The following NSMCE2 variants were observed in gnomAD, a reference collection of about 807,000 sequenced individuals.
The protein encoded by NSMCE2 is E3 SUMO-protein ligase NSE2.
Under a neutral mutation model 23.8 loss-of-function variants are expected in NSMCE2, and 24 were observed. The observed-to-expected ratio is 1.01, with a 90% CI of 0.73 to 1.42. The LOEUF is 1.42. Ranked by LOEUF, NSMCE2 falls within the 40% of genes most tolerant of loss-of-function variation. The pLI, the probability that NSMCE2 is intolerant of heterozygous loss-of-function variation, is 0.00. For synonymous variants in NSMCE2, 92 were observed against 94.1 expected, an observed-to-expected ratio of 0.98 and a Z score of 0.13; for missense variants, 284 against 296.5, an observed-to-expected ratio of 0.96 and a Z score of 0.31.
intron 5 of NSMCE2, among the ~76,000 whole-genome samples, chr8:125,212,520 G>A (rs963643165): frequency 6.6e-6 from 1 of 152,150 alleles, no homozygotes; most frequent in Non-Finnish European, 1.5e-5. Flanking sequence ...GGGCAAGGAA[G>A]TTGTGAGCCA....
intron 3 of NSMCE2, among the ~76,000 whole-genome samples, chr8:125,148,608 T>A (rs1023044815): frequency 3.3e-5 from 5 of 152,162 alleles, no homozygotes; most frequent in Non-Finnish European, 2.9e-5. Context: ...TCAGCAGAAT[T>A]TTGGAAAAGC....
chr8:125,110,688 T>C (rs1053428107), intron 3 of NSMCE2, among the ~76,000 whole-genome samples: 3 of 152,116 alleles, frequency 2.0e-5, no homozygotes, highest in African/African-American at 7.2e-5. Flanking sequence ...AAAAAATGTA[T>C]TGTGCCAGCG....
At chr8:125,334,665 A>G (rs1830005285) in intron 5 of NSMCE2, among the ~76,000 whole-genome samples, 1 of 151,856 alleles carries the variant, frequency 6.6e-6, no homozygotes, top group Non-Finnish European at 1.5e-5. Flanking sequence ...GTTAGTTTCA[A>G]GGATGTCTTG....
At chr8:125,119,034 G>T (rs1819148915) in intron 3 of NSMCE2, among the ~76,000 whole-genome samples, 1 of 152,128 alleles carries the variant, frequency 6.6e-6, no homozygotes, top group Admixed American at 6.5e-5. Context: ...TGTATTTGGG[G>T]CAGTTTTAGA....
At chr8:125,355,969 G>C (rs977377435) in intron 5 of NSMCE2, among the ~76,000 whole-genome samples, 1 of 152,134 alleles carries the variant, frequency 6.6e-6, no homozygotes, top group African/African-American at 2.4e-5. Context: ...GCAGGCCAGG[G>C]ATCTCTAGGG....
At position 125,093,691 on chromosome 8, in the gene NSMCE2, C is replaced by G. The variant is rs564460373; in HGVS notation, c.-111+1733C>G. ...TGAGCCGAGATCATGCCACTGCACT[C>G]CAGTTTGGGCGACAGAGCGAAACTC... On this transcript the variant is annotated intron_variant, in intron 1 of 7. Coordinates refer to ENST00000287437, the MANE Select transcript of NSMCE2 (RefSeq NM_173685.4). 3.9e-5 allele frequency among the ~76,000 whole-genome samples: 6 copies of G among 152,136 alleles called. No individual in the cohort carries two copies. The South Asian group carries it at 1.2e-3, about 32-fold the overall frequency.
At chr8:125,246,159 C>T (rs1332103633) in intron 5 of NSMCE2, among the ~76,000 whole-genome samples, 2 of 151,958 alleles carry the variant, frequency 1.3e-5, no homozygotes, top group Non-Finnish European at 2.9e-5. Context: ...ATTCAATCTG[C>T]AAAATGAATC....
At chr8:125,255,244 C>T (rs1026842849) in intron 5 of NSMCE2, among the ~76,000 whole-genome samples, 1 of 152,086 alleles carries the variant, frequency 6.6e-6, no homozygotes, top group Non-Finnish European at 1.5e-5. Context: ...AGTCATCCAT[C>T]CCCACTGTGC....
At chr8:125,211,420 A>G (rs1824337883) in intron 5 of NSMCE2, among the ~76,000 whole-genome samples, 1 of 152,216 alleles carries the variant, frequency 6.6e-6, no homozygotes, top group African/African-American at 2.4e-5. Context: ...AATATTCCAT[A>G]TCAGTACATA....
chr8:125,249,602 G>T (rs1032931640), intron 5 of NSMCE2, among the ~76,000 whole-genome samples: 1 of 152,126 alleles, frequency 6.6e-6, no homozygotes, highest in Admixed American at 6.5e-5. Flanking sequence ...TTTTAGAGCT[G>T]GTTTTTCTCC....
intron 3 of NSMCE2, among the ~76,000 whole-genome samples, chr8:125,143,922 T>G (rs1056889720): frequency 6.6e-6 from 1 of 152,086 alleles, no homozygotes; most frequent in African/African-American, 2.4e-5. Flanking sequence ...TTCTGGAGAT[T>G]AGGGAGGATT....
intron 5 of NSMCE2, among the ~76,000 whole-genome samples, chr8:125,241,060 T>C (rs1407291083): frequency 6.6e-6 from 1 of 152,196 alleles, no homozygotes; most frequent in Non-Finnish European, 1.5e-5. Flanking sequence ...TTTTGGAATA[T>C]TGGCACTATT....
Position 125,205,805 on chromosome 8 carries a change from C to G in NSMCE2, c.418+23549C>G, listed in dbSNP as rs1023368033. ...AATTATAGGTTGTAAATACCAGTAT[C>G]GTACTTAATAAAATATGCTATCTCT... On this transcript the variant is annotated intron_variant, in intron 5 of 7. Coordinates refer to ENST00000287437, the MANE Select transcript of NSMCE2 (RefSeq NM_173685.4). 2.0e-5 allele frequency among the ~76,000 whole-genome samples: 3 copies of G among 152,098 alleles called. No individual in the cohort carries two copies. The East Asian group carries it at 5.8e-4, about 29-fold the overall frequency.
intron 5 of NSMCE2, among the ~76,000 whole-genome samples, chr8:125,295,503 ACCC>A (rs1008715768): frequency 6.6e-6 from 1 of 152,108 alleles, no homozygotes; most frequent in African/African-American, 2.4e-5. Context: ...ATCCTTTCTG[ACCC>A]CCTGAGAGAA....
chr8:125,300,945 T>C (rs569628479), intron 5 of NSMCE2, among the ~76,000 whole-genome samples: 2 of 152,342 alleles, frequency 1.3e-5, no homozygotes, highest in South Asian at 4.1e-4. Context: ...ACCTAACCAG[T>C]GGTCATCTCA....
intron 5 of NSMCE2, among the ~76,000 whole-genome samples, chr8:125,296,244 A>G (rs1398191131): frequency 6.6e-6 from 1 of 152,076 alleles, no homozygotes; most frequent in Admixed American, 6.6e-5. Context: ...AACTCCCAAC[A>G]CTCACTTCTG....
At chr8:125,351,373 C>T (rs1045421398) in intron 5 of NSMCE2, 4 of 151,644 alleles carry the variant, frequency 2.6e-5, no homozygotes, top group African/African-American at 7.3e-5. Context: ...AAAACATATT[C>T]GAGTTACCTA....
At chr8:125,152,629 T>A (rs1032523124) in intron 4 of NSMCE2, among the ~76,000 whole-genome samples, 2 of 152,202 alleles carry the variant, frequency 1.3e-5, no homozygotes, top group Admixed American at 6.5e-5. Context: ...TTAACTTTCA[T>A]ACTGTGCAAA....
At chr8:125,355,619 G>A (rs1026737752) in intron 5 of NSMCE2, among the ~76,000 whole-genome samples, 1 of 143,468 alleles carries the variant, frequency 7.0e-6, no homozygotes, top group African/African-American at 2.6e-5. Context: ...AGAATCACTT[G>A]AACCTGGGAG....
Sources: allele counts gnomAD v4.1 joint callset (sites outside exome capture counted in the v4.1 genomes callset), GRCh38; gene constraint gnomAD v4.1.1; transcripts MANE v1.5; gene names NCBI Gene and HGNC (gene_info 2026-07-23, HGNC 2026-07-21).